TMTC2: variants seen among roughly 807,000 people sequenced by gnomAD.
TMTC2 encodes transmembrane O-mannosyltransferase targeting cadherins 2.
A neutral mutation model predicts 82.4 loss-of-function variants in TMTC2; 43 were observed. That is an observed-to-expected ratio of 0.52 (90% confidence interval 0.41 to 0.67). The LOEUF (loss-of-function observed/expected upper bound fraction) is 0.67, where lower values mean the gene tolerates loss of function less well. Ranked by LOEUF, TMTC2 falls within the 30% of genes least tolerant of loss-of-function variation. TMTC2 has a pLI of 0.00. For missense variants in TMTC2, 919 were observed against 1,012.4 expected, an observed-to-expected ratio of 0.91 and a Z score of 1.25; for synonymous variants, 408 against 381.9, an observed-to-expected ratio of 1.07 and a Z score of -0.80.
At chr12:83,027,953 G>C (rs1364645197) in intron 8 of TMTC2, among the ~76,000 whole-genome samples, 1 of 152,092 alleles carries the variant, frequency 6.6e-6, no homozygotes, top group East Asian at 1.9e-4. Context: ...TAAAACTTAA[G>C]TGGAAGCTTC....
Position 83,014,217 on chromosome 12 carries a change from T to C in TMTC2, c.2071-16581T>C, listed in dbSNP as rs565950239. ...TGGCTCTGTCACCCAGGCTGGAGTG[T>C]AGAGGCTCCATCTCCTCTCACCGTA... On this transcript the variant is annotated intron_variant, in intron 8 of 11. Transcript: ENST00000321196. Among the ~76,000 whole-genome samples the C allele has an allele frequency of 1.2e-4, 18 of 152,242 alleles. No homozygotes were observed. In the South Asian group the frequency reaches 1.5e-3, roughly 12 times the overall value.
chr12:83,022,172 G>A (rs1033077020), intron 8 of TMTC2, among the ~76,000 whole-genome samples: 57 of 152,048 alleles, frequency 3.7e-4, no homozygotes, highest in African/African-American at 1.2e-3. Flanking sequence ...GCCCTGCACA[G>A]TCTGGTCCCT....
At chr12:82,751,460 C>G (rs1038865236) in intron 1 of TMTC2, among the ~76,000 whole-genome samples, 1 of 151,944 alleles carries the variant, frequency 6.6e-6, no homozygotes, top group Non-Finnish European at 1.5e-5. Context: ...ATGGGTGCAG[C>G]ACACCAGCAT....
intron 1 of TMTC2, among the ~76,000 whole-genome samples, chr12:82,714,600 T>G (rs2136918144): frequency 6.6e-6 from 1 of 152,302 alleles, no homozygotes; most frequent in South Asian, 2.1e-4. Context: ...GTTCCTGATC[T>G]CTTTCAGGAT....
chr12:83,005,540 A>G (rs189906002), intron 8 of TMTC2, among the ~76,000 whole-genome samples: 4 of 152,150 alleles, frequency 2.6e-5, no homozygotes, highest in Admixed American at 2.0e-4. Context: ...ACTCTTCCCC[A>G]TGCTCTGAGA....
At chr12:82,846,210 T>G (rs1870664595) in intron 1 of TMTC2, among the ~76,000 whole-genome samples, 1 of 151,924 alleles carries the variant, frequency 6.6e-6, no homozygotes, top group South Asian at 2.1e-4. Context: ...AATACAAAAA[T>G]TAGCCAGCAT....
intron 2 of TMTC2, among the ~76,000 whole-genome samples, chr12:82,871,999 A>AACAAC (rs1444657557): frequency 1.5e-5 from 2 of 135,960 alleles, no homozygotes; most frequent in Non-Finnish European, 3.0e-5. Context: ...AAAAAAGTTG[A>AACAAC]ACAACACCCC....
At chr12:82,889,558 T>C (rs768049985) in intron 2 of TMTC2, among the ~76,000 whole-genome samples, 9 of 152,272 alleles carry the variant, frequency 5.9e-5, no homozygotes, top group Non-Finnish European at 1.3e-4. Context: ...TAAATACTTC[T>C]ACACTTAAAT....
chr12:82,952,512 C>T (rs189812292), intron 4 of TMTC2, among the ~76,000 whole-genome samples: 1 of 151,886 alleles, frequency 6.6e-6, no homozygotes, highest in Non-Finnish European at 1.5e-5. Context: ...TATATACATA[C>T]ACACACAGAC....
chr12:82,730,729 TGAAAA>T (rs1011827310), intron 1 of TMTC2, among the ~76,000 whole-genome samples: 6 of 152,220 alleles, frequency 3.9e-5, no homozygotes, highest in African/African-American at 1.4e-4. Context: ...GGAGCCATCT[TGAAAA>T]GAAAGTTGTG....
intron 11 of TMTC2, among the ~76,000 whole-genome samples, chr12:83,089,188 T>C (rs1219610094): frequency 6.6e-6 from 1 of 152,228 alleles, no homozygotes; most frequent in African/African-American, 2.4e-5. Context: ...TGCCAGGCAA[T>C]AGGCTGTTTT....
chr12:82,854,245 A>G (rs968629630), intron 1 of TMTC2, among the ~76,000 whole-genome samples: 1 of 152,238 alleles, frequency 6.6e-6, no homozygotes, highest in Non-Finnish European at 1.5e-5. Context: ...AACACTCAAA[A>G]TATCAGTTTA....
In TMTC2 at chr12:83,133,146, G is replaced by T. The variant is rs976478015; in HGVS notation, c.*757G>T. ...CAGGCATTTTTTAAATTTTAATATCGTCAATATTTTCCCCCAAACTGCCCA... is the reference window on the plus strand; with the variant it reads ...CAGGCATTTTTTAAATTTTAATATCTTCAATATTTTCCCCCAAACTGCCCA... On this transcript the variant is annotated 3_prime_UTR_variant, in exon 12 of 12. Coordinates refer to ENST00000321196, the MANE Select transcript of TMTC2 (RefSeq NM_152588.3). 2.0e-5 allele frequency: 3 copies of T among 152,090 alleles called. No individual in the cohort carries two copies. The highest frequency in any genetic ancestry group is 7.2e-5 in the African/African-American group (3 of 41,422). 9.4% of individuals were successfully genotyped at this position (152,090 alleles called of 1,614,324 possible). A position where few individuals can be genotyped will look rare whatever the true frequency, so the allele number is the denominator to read the frequency against.
At chr12:82,765,096 G>C (rs1247122772) in intron 1 of TMTC2, among the ~76,000 whole-genome samples, 6 of 152,016 alleles carry the variant, frequency 3.9e-5, no homozygotes, top group Non-Finnish European at 8.8e-5. Context: ...AAAATATGGG[G>C]GAGGCATGTA....
chr12:83,036,442 C>T (rs1401442196), intron 9 of TMTC2, among the ~76,000 whole-genome samples: 2 of 147,622 alleles, frequency 1.4e-5, no homozygotes, highest in Non-Finnish European at 3.0e-5. Context: ...TTATTAAGCA[C>T]TTTGCCATCT....
At chr12:83,085,797 T>C (rs1324147043) in intron 11 of TMTC2, among the ~76,000 whole-genome samples, 1 of 152,218 alleles carries the variant, frequency 6.6e-6, no homozygotes, top group Non-Finnish European at 1.5e-5. Flanking sequence ...GTTTTCAGTT[T>C]TCTATAATTT....
chr12:82,902,165 C>T (rs566393164), intron 3 of TMTC2, among the ~76,000 whole-genome samples: 76 of 152,246 alleles, frequency 5.0e-4, no homozygotes, highest in Non-Finnish European at 4.7e-4. Flanking sequence ...TATTCCTCTC[C>T]TACTGCCAGA....
At chr12:82,943,504 G>GT in intron 4 of TMTC2, among the ~76,000 whole-genome samples, 1 of 152,198 alleles carries the variant, frequency 6.6e-6, no homozygotes, top group Non-Finnish European at 1.5e-5. Context: ...ATCCCTGCTA[G>GT]TTTTGGAGGT....
At chr12:82,997,417 T>TACAC (rs1250177740) in intron 8 of TMTC2, among the ~76,000 whole-genome samples, 1 of 115,882 alleles carries the variant, frequency 8.6e-6, no homozygotes, top group African/African-American at 3.3e-5. Context: ...TATGTGTATA[T>TACAC]ATATATATAT....
Sources: allele counts gnomAD v4.1 joint callset (sites outside exome capture counted in the v4.1 genomes callset), GRCh38; gene constraint gnomAD v4.1.1; transcripts MANE v1.5; gene names NCBI Gene and HGNC (gene_info 2026-07-23, HGNC 2026-07-21).